Variants in HSD17B2 observed in about 807,000 individuals in gnomAD.
HSD17B2 encodes the protein hydroxysteroid 17-beta dehydrogenase 2, also known as 17-beta-hydroxysteroid dehydrogenase type 2.
In HSD17B2, 32 loss-of-function variants were observed where a neutral mutation model predicts 26.9. The observed-to-expected ratio is 1.19, with a 90% confidence interval of 0.90 to 1.60. The LOEUF (loss-of-function observed/expected upper bound fraction) is 1.60, where lower values mean the gene tolerates loss of function less well. HSD17B2 is among the 40% of genes most tolerant of loss of function. The pLI is 0.00. For synonymous variants in HSD17B2, 246 were observed against 186.7 expected (o/e 1.32, Z -2.59); for missense variants, 613 against 468.6 (o/e 1.31, Z -2.85).
chr16:82,091,587 A>G (rs766829863), intron 4 of HSD17B2: 2 of 159,312 alleles, frequency 1.3e-5, no homozygotes, highest in Non-Finnish European at 2.7e-5. Context: ...GATAGAACAA[A>G]TAGTAAAATT....
At chr16:82,061,854 C>A (rs1914447334) in intron 1 of HSD17B2, among the ~76,000 whole-genome samples, 1 of 151,924 alleles carries the variant, frequency 6.6e-6, no homozygotes, top group South Asian at 2.1e-4. Context: ...TAAATTTATC[C>A]CCCATCTTCC....
intron 1 of HSD17B2, among the ~76,000 whole-genome samples, chr16:82,063,721 T>A (rs1422764696): frequency 1.3e-5 from 2 of 152,172 alleles, no homozygotes; most frequent in Non-Finnish European, 2.9e-5. Flanking sequence ...GGGGCTGGGA[T>A]GATCAGAGTG....
At chr16:82,039,940 G>A (rs550062166) in intron 1 of HSD17B2, among the ~76,000 whole-genome samples, 1 of 152,136 alleles carries the variant, frequency 6.6e-6, no homozygotes, top group East Asian at 1.9e-4. Context: ...GTGTGGAGCT[G>A]GGGAAAGCTT....
intron 1 of HSD17B2, among the ~76,000 whole-genome samples, chr16:82,037,324 C>T (rs755871492): frequency 6.6e-6 from 1 of 152,220 alleles, no homozygotes; most frequent in African/African-American, 2.4e-5. Flanking sequence ...TCATCCTAGA[C>T]AAGGCCTCAA....
Position 82,035,298 on chromosome 16 carries a change from G to T in HSD17B2, c.-127G>T, listed in dbSNP as rs1913592157. Reference sequence around the variant, plus strand: ...TGCTTAATCTATGCTCAGTTGAAAGGGGCTGGGGCTGCTTTCTCCCCTCCC... The same window carrying T: ...TGCTTAATCTATGCTCAGTTGAAAGTGGCTGGGGCTGCTTTCTCCCCTCCC... On this transcript the variant is annotated 5_prime_UTR_variant, in exon 1 of 5. Transcript: ENST00000199936. 1.1e-5 allele frequency: 9 copies of T among 786,284 alleles called. No homozygotes were observed. In the South Asian group the frequency reaches 1.6e-4, roughly 14 times the overall value. 48.7% of individuals were successfully genotyped at this position (786,284 alleles called of 1,614,324 possible). A position where few individuals can be genotyped will look rare whatever the true frequency, so the allele number is the denominator to read the frequency against.
chr16:82,037,082 C>T (rs1913644450), intron 1 of HSD17B2, among the ~76,000 whole-genome samples: 1 of 152,162 alleles, frequency 6.6e-6, no homozygotes, highest in African/African-American at 2.4e-5. Flanking sequence ...TCAGTGAGCC[C>T]ACATCAGCCA....
intron 1 of HSD17B2, among the ~76,000 whole-genome samples, chr16:82,050,667 G>C (rs1044816293): frequency 6.6e-6 from 1 of 152,162 alleles, no homozygotes; most frequent in Non-Finnish European, 1.5e-5. Flanking sequence ...TTAGCTTGAA[G>C]CACCAAGCTC....
At position 82,056,429 on chromosome 16, in the gene HSD17B2, A is replaced by C. The variant is rs1339804279; in HGVS notation, c.266-11741A>C. On this transcript the variant is annotated intron_variant, in intron 1 of 4. Coordinates refer to ENST00000199936, the MANE Select transcript of HSD17B2 (RefSeq NM_002153.3). ...ACAAAAAATTTCTATTAACCAAGCC[A>C]CAGGAAAACATAGGAGAATGAACAA... The C allele has an allele frequency of 2.0e-5, 3 of 152,246 alleles. No homozygotes were observed. The East Asian group carries it at 5.8e-4, about 29-fold the overall frequency. 9.4% of individuals were successfully genotyped at this position (152,246 alleles called of 1,614,324 possible). A position where few individuals can be genotyped will look rare whatever the true frequency, so the allele number is the denominator to read the frequency against.
chr16:82,036,229 A>G (rs1376699588), intron 1 of HSD17B2, among the ~76,000 whole-genome samples: 1 of 151,922 alleles, frequency 6.6e-6, no homozygotes, highest in Non-Finnish European at 1.5e-5. Context: ...ACTGTTCCTC[A>G]TTAGACCTCT....
chr16:82,038,494 C>G (rs73600765), intron 1 of HSD17B2, among the ~76,000 whole-genome samples: 2,486 of 152,268 alleles, frequency 0.016, 60 homozygotes, highest in African/African-American at 0.055. Context: ...GGATTACAGG[C>G]ACGTGCTACC....
At chr16:82,046,049 G>A (rs1913917029) in intron 1 of HSD17B2, among the ~76,000 whole-genome samples, 1 of 152,228 alleles carries the variant, frequency 6.6e-6, no homozygotes, top group Non-Finnish European at 1.5e-5. Flanking sequence ...CCTCTTAGGT[G>A]GGGAGCGAAG....
At chr16:82,059,007 G>C (rs886490211) in intron 1 of HSD17B2, among the ~76,000 whole-genome samples, 6 of 152,132 alleles carry the variant, frequency 3.9e-5, no homozygotes, top group Non-Finnish European at 7.3e-5. Flanking sequence ...TGTGGGGTCT[G>C]GAACAGTGAA....
At chr16:82,084,820 A>G (rs185554119) in intron 3 of HSD17B2, among the ~76,000 whole-genome samples, 137 of 152,154 alleles carry the variant, frequency 9.0e-4, no homozygotes, top group African/African-American at 3.2e-3. Context: ...ATAACCTTGA[A>G]CTCTTGGGCT....
intron 1 of HSD17B2, among the ~76,000 whole-genome samples, chr16:82,036,470 G>C (rs529982854): frequency 6.6e-6 from 1 of 151,540 alleles, no homozygotes; most frequent in Non-Finnish European, 1.5e-5. Context: ...ATTATCCAGC[G>C]TTATCCTAAC....
intron 4 of HSD17B2, chr16:82,094,520 G>A (rs1260326881): frequency 6.6e-6 from 1 of 152,202 alleles, no homozygotes; most frequent in Non-Finnish European, 1.5e-5. Context: ...ATCAGATCCT[G>A]AGATGCAGTG....
At chr16:82,096,834 A>C (rs2142370967) in intron 4 of HSD17B2, 1 of 152,238 alleles carries the variant, frequency 6.6e-6, no homozygotes, top group East Asian at 1.9e-4. Flanking sequence ...GAATGTCACA[A>C]ATATACTGTT....
intron 3 of HSD17B2, chr16:82,090,321 TTTTTTTTTTTTTTTTG>T: frequency 5.7e-6 from 2 of 352,924 alleles, no homozygotes; most frequent in Non-Finnish European, 3.8e-6. Context: ...TTTTTTTTTT[TTTTTTTTTTTTTTTTG>T]AGACGGAGTT....
intron 1 of HSD17B2, among the ~76,000 whole-genome samples, chr16:82,066,930 TG>T (rs1486630505): frequency 6.6e-6 from 1 of 152,214 alleles, no homozygotes; most frequent in Admixed American, 6.5e-5. Context: ...TATACAGTGT[TG>T]TAAAGAACAT....
rs60006399 is a variant in HSD17B2 at position 82,046,815 on chromosome 16, GA to G, written c.265+11127del. On this transcript the variant is annotated intron_variant, in intron 1 of 4. Transcript: ENST00000199936. ...GTTTTTATTATTAACCCCACTCAAC[GA>G]TGAAGAAATTGAGGTTTTTCAAGAG... Among the ~76,000 whole-genome samples, 737 of 152,288 alleles carry G rather than the reference GA, an allele frequency of 4.8e-3. 8 individuals are homozygous for G. Among genetic ancestry groups the G allele is most frequent in the African/African-American group, 0.017 (698 of 41,550 alleles).
Sources: gnomAD v4.1 joint callset for allele counts (sites outside exome capture counted in the v4.1 genomes callset) on GRCh38, gnomAD v4.1.1 for gene constraint, MANE v1.5 for transcripts, NCBI Gene and HGNC (gene_info 2026-07-23, HGNC 2026-07-21) for gene names.